The following OR2B2 variants were observed in gnomAD, a reference collection of about 807,000 sequenced individuals.
The protein encoded by OR2B2 is olfactory receptor family 2 subfamily B member 2.
For synonymous variants in OR2B2, 137 were observed against 150.9 expected, an observed-to-expected ratio of 0.91 and a Z score of 0.67; for missense variants, 362 against 422.4, an observed-to-expected ratio of 0.86 and a Z score of 1.25.
Position 27,912,230 on chromosome 6 carries a change from C to G in OR2B2, c.90G>C (p.Met30Ile), listed in dbSNP as rs763258479. ...QPWLEIPPFV[M>I]FLFSYILTIF... ...TTGTCAAGATATAGGAAAACAGAAA[C>G]ATCACAAAGGGTGGAATCTCTAGCC... Residue 30 changes from methionine to isoleucine, a missense_variant, in exon 1 of 1, where the codon ATG (methionine) becomes ATC (isoleucine). Transcript: ENST00000303324. 16 of 1,614,008 alleles carry G rather than the reference C, an allele frequency of 9.9e-6. 1 individual carries two copies. Among genetic ancestry groups the G allele is most frequent in the Non-Finnish European group, 1.3e-5 (15 of 1,180,010 alleles).
In OR2B2 at chr6:27,911,330, G is replaced by C; in HGVS notation, c.990C>G (p.Tyr330Ter). The C allele has an allele frequency of 6.2e-7, 1 of 1,613,386 alleles. No individual in the cohort carries two copies. The highest frequency in any genetic ancestry group is 1.1e-5 in the South Asian group (1 of 90,916). ...GACAACTTGCGGAGAAGTTAGTAAG[G>C]TAAGTAAGCACTGTGTCTTTAGCAA... ...ISFAKDTVLT[Y>*]LTNFSASCPI... Residue 330 changes from tyrosine to a stop codon, truncating the protein, a stop_gained, in exon 1 of 1, where the codon TAC (tyrosine) becomes TAG (stop). Coordinates refer to ENST00000303324, the MANE Select transcript of OR2B2 (RefSeq NM_033057.2). LOFTEE classifies it low-confidence loss of function (END_TRUNC).
At position 27,912,369 on chromosome 6, in the gene OR2B2, TAAC is replaced by T. The variant is rs764051812; in HGVS notation, c.-53_-51del. The T allele has an allele frequency of 8.8e-7, 1 of 1,140,436 alleles. No homozygotes were observed. The highest frequency in any genetic ancestry group is 1.5e-5 in the South Asian group (1 of 65,746). The allele number at this position is 1,140,436 out of a possible 1,614,324, so 70.6% of individuals were successfully genotyped here. On this transcript the variant is annotated 5_prime_UTR_variant, in exon 1 of 1. Transcript: ENST00000303324. ...TCTGAAATATAAGAAGTCAGGAAGTTAACAACACACTTCCTGATTTTGTCAGCT... is the reference window on the plus strand; with the variant it reads ...TCTGAAATATAAGAAGTCAGGAAGTTAACACACTTCCTGATTTTGTCAGCT...
rs1208391014 is a variant in OR2B2, at chr6:27,911,285, T to G, written c.1035A>C (p.Ile345=). The G allele has an allele frequency of 6.3e-7, 1 of 1,596,462 alleles. No individual in the cohort carries two copies. The highest frequency in any genetic ancestry group is 1.8e-5 in the Admixed American group (1 of 55,518). ...SASCPIFVIT[I]ENYCNLPQRK... is the part of the protein sequence containing the mutation. Reference sequence around the variant, plus strand: ...TTTGAGGGAGATTACAATAGTTTTCTATAGTAATGACAAAAATAGGACAAC... The same window carrying G: ...TTTGAGGGAGATTACAATAGTTTTCGATAGTAATGACAAAAATAGGACAAC... The change falls in exon 1 of 1, where the codon ATA becomes ATC. Residue 345 remains isoleucine, a synonymous_variant. Transcript: ENST00000303324.
Position 27,912,176 on chromosome 6 carries a change from C to T in OR2B2, c.144G>A (p.Val48=), listed in dbSNP as rs770967801. ...TGTGGAGTTTGAAATCCACATGTGA[C>T]ACAAGAATTATTGTCAGATTGCCAA... ...TIFGNLTIIL[V]SHVDFKLHTP... The change falls in exon 1 of 1, where the codon GTG becomes GTA. Residue 48 remains valine (V), a synonymous_variant. Coordinates refer to ENST00000303324, the MANE Select transcript of OR2B2 (RefSeq NM_033057.2). 4 of 1,614,140 alleles carry T rather than the reference C, an allele frequency of 2.5e-6. No individual in the cohort carries two copies. The Admixed American group carries it at 6.7e-5, about 27-fold the overall frequency.
rs762536583 is a variant in OR2B2 at position 27,911,775 on chromosome 6, G to A, written c.545C>T (p.Pro182Leu). 1.2e-6 allele frequency: 2 copies of A among 1,613,964 alleles called. No homozygotes were observed. The highest frequency in any genetic ancestry group is 1.6e-4 in the Middle Eastern group (1 of 6,062). The change falls in exon 1 of 1, where the codon CCT (proline) becomes CTT (leucine). Residue 182 changes from proline to leucine, a missense_variant. Physicochemically the swap from Pro to Leu is moderately conservative, Grantham distance 98. Transcript: ENST00000303324. ...KEVDHFFCEV[P>L]ALLKLSCVDT... ...AACACAGGACAACTTGAGCAGAGCAGGGACTTCACAGAAGAAGTGATCCAC... is the reference window on the plus strand; with the variant it reads ...AACACAGGACAACTTGAGCAGAGCAAGGACTTCACAGAAGAAGTGATCCAC...
Position 27,912,149 on chromosome 6 carries a change from G to C in OR2B2, c.171C>G (p.Thr57=), listed in dbSNP as rs746305654. ...GATTGCTAAGAAAAAAGTACATAGG[G>C]GTGTGGAGTTTGAAATCCACATGTG... is the stretch of plus-strand genomic sequence containing the variant. ...LVSHVDFKLH[T]PMYFFLSNLS... Residue 57 remains threonine (T), a synonymous_variant, in exon 1 of 1, where the codon ACC becomes ACG. Coordinates refer to ENST00000303324, the MANE Select transcript of OR2B2 (RefSeq NM_033057.2). 15 of 1,614,126 alleles carry C rather than the reference G, an allele frequency of 9.3e-6. No homozygotes were observed. Among genetic ancestry groups the C allele is most frequent in the African/African-American group, 1.3e-5 (1 of 75,022 alleles).
chr6:27,911,416 T>C lies in OR2B2; in HGVS notation c.904A>G (p.Lys302Glu), dbSNP rs967027358. 1 of 1,614,010 alleles carries C rather than the reference T, an allele frequency of 6.2e-7. No individual in the cohort carries two copies. The highest frequency in any genetic ancestry group is 1.3e-5 in the African/African-American group (1 of 74,942). Residue 302 changes from lysine to glutamate, a missense_variant, in exon 1 of 1, where the codon AAA (lysine) becomes GAA (glutamate). Coordinates refer to ENST00000303324, the MANE Select transcript of OR2B2 (RefSeq NM_033057.2). ...AGAAGACTCTTTGCAACCAACCTTT[T>C]AAAGGCTTCCTTTACCTCTTTGTTC... ...LRNKEVKEAF[K>E]RLVAKSLLNQ...
Position 27,911,254 on chromosome 6 carries a change from ATTTTCT to A in OR2B2, c.1060_1065del (p.Arg354_Lys355del). The A allele has an allele frequency of 6.5e-7, 1 of 1,544,614 alleles. No individual in the cohort carries two copies. Among genetic ancestry groups the A allele is most frequent in the Non-Finnish European group, 8.7e-7 (1 of 1,145,196 alleles). The stretch of plus-strand genomic sequence containing the variant: ...ACAAATATAGCTTTTTGTCAAGGAA[ATTTTCT>A]TTGAGGGAGATTACAATAGTTTTCT... On this transcript the variant is annotated inframe_deletion, in exon 1 of 1. Coordinates refer to ENST00000303324, the MANE Select transcript of OR2B2 (RefSeq NM_033057.2).
chr6:27,912,160 T>A lies in OR2B2; in HGVS notation c.160A>T (p.Lys54Ter), dbSNP rs1762207988. ...TIILVSHVDF[K>*]LHTPMYFFLS... ...AAAAAGTACATAGGGGTGTGGAGTT[T>A]GAAATCCACATGTGACACAAGAATT... The change falls in exon 1 of 1, where the codon AAA becomes TAA. Residue 54 changes from lysine to a stop codon, truncating the protein, a stop_gained. Transcript: ENST00000303324. LOFTEE classifies it low-confidence loss of function (END_TRUNC). The A allele has an allele frequency of 6.2e-7, 1 of 1,614,206 alleles. No homozygotes were observed. Among genetic ancestry groups the A allele is most frequent in the Non-Finnish European group, 8.5e-7 (1 of 1,180,032 alleles).
At position 27,911,594 on chromosome 6, in the gene OR2B2, G is replaced by A; in HGVS notation, c.726C>T (p.Gly242=). The change falls in exon 1 of 1, where the codon GGC becomes GGT. Residue 242 remains glycine (G), a synonymous_variant. Transcript: ENST00000303324. The part of the protein sequence containing the change: ...EGQRKAFGTC[G]SHLIVVSLFY... ...AAAGTGACACCACAATTAGATGGGA[G>A]CCACATGTCCCAAATGCCTTTCGTT... The A allele has an allele frequency of 6.2e-7, 1 of 1,614,148 alleles. No homozygotes were observed.
In OR2B2 at chr6:27,912,091, T is replaced by G. The variant is rs35712782; in HGVS notation, c.229A>C (p.Thr77Pro). The change falls in exon 1 of 1, where the codon ACA (threonine) becomes CCA (proline). Residue 77 changes from threonine to proline, a missense_variant. Transcript: ENST00000303324. ...ATGTTTACCAGCATTTGTGGAACTG[T>G]ACTTGTGGTATAGCAAAGGTCCAGG... The part of the protein sequence containing the change: ...SLLDLCYTTS[T>P]VPQMLVNICN... 9.4e-4 allele frequency: 1,525 copies of G among 1,614,212 alleles called. 11 individuals carry two copies. In the African/African-American group the frequency reaches 0.017, roughly 18 times the overall value.
rs760680555 is a variant in OR2B2, at chr6:27,912,063, C to T, written c.257G>A (p.Cys86Tyr). 2 of 1,614,178 alleles carry T rather than the reference C, an allele frequency of 1.2e-6. No homozygotes were observed. Among genetic ancestry groups the T allele is most frequent in the Admixed American group, 3.3e-5 (2 of 60,020 alleles). ...ATAACTGATTACTTTCCTGGTGTTGCATATGTTTACCAGCATTTGTGGAAC... is the reference window on the plus strand; with the variant it reads ...ATAACTGATTACTTTCCTGGTGTTGTATATGTTTACCAGCATTTGTGGAAC... ...STVPQMLVNI[C>Y]NTRKVISYGG... The change falls in exon 1 of 1, where the codon TGC becomes TAC. Residue 86 changes from cysteine (C) to tyrosine (Y), a missense_variant. Physicochemically the swap from Cys to Tyr is radical, Grantham distance 194. Transcript: ENST00000303324.
rs2113602308 is a variant in OR2B2 at position 27,911,658 on chromosome 6, A to G, written c.662T>C (p.Ile221Thr). ...CTGGATTCTCAACACTGCTTGGACA[A>G]TAAAAGCATACGATATAAGGATGAG... ...VTLILISYAF[I>T]VQAVLRIQSA... is the part of the protein sequence containing the mutation. Residue 221 changes from isoleucine (I) to threonine (T), a missense_variant, in exon 1 of 1, where the codon ATT (isoleucine) becomes ACT (threonine). Ile to Thr is a moderately conservative substitution (Grantham distance 89). Transcript: ENST00000303324. 6.2e-7 allele frequency: 1 copy of G among 1,614,158 alleles called. No individual in the cohort carries two copies. Among genetic ancestry groups the G allele is most frequent in the African/African-American group, 1.3e-5 (1 of 75,042 alleles).
Position 27,911,487 on chromosome 6 carries a change from C to T in OR2B2, c.833G>A (p.Cys278Tyr). ...ATTCAGCATGGGTGCAATGATTCCA[C>T]AGAAGAGAGAAACCATCTTTCCCCG... is the stretch of plus-strand genomic sequence containing the variant. Reference protein sequence around the residue: ...KDRGKMVSLFCGIIAPMLNPL... With the variant: ...KDRGKMVSLFYGIIAPMLNPL... Residue 278 changes from cysteine to tyrosine, a missense_variant, in exon 1 of 1, where the codon TGT becomes TAT. Cys to Tyr is a radical substitution (Grantham distance 194). Transcript: ENST00000303324. The T allele has an allele frequency of 1.2e-6, 2 of 1,614,126 alleles. No individual in the cohort carries two copies. The highest frequency in any genetic ancestry group is 1.1e-5 in the South Asian group (1 of 91,086).
In OR2B2 at chr6:27,911,529, G is replaced by A; in HGVS notation, c.791C>T (p.Ser264Leu). 1 of 1,614,150 alleles carries A rather than the reference G, an allele frequency of 6.2e-7. No individual in the cohort carries two copies. The highest frequency in any genetic ancestry group is 8.5e-7 in the Non-Finnish European group (1 of 1,180,032). Residue 264 changes from serine to leucine, a missense_variant, in exon 1 of 1, where the codon TCA (serine) becomes TTA (leucine). Physicochemically the swap from Ser to Leu is moderately radical, Grantham distance 145 (BLOSUM62 -2). Transcript: ENST00000303324. ...TAISMYLQPP[S>L]PSSKDRGKMV... ...CTTTCCCCGGTCTTTGGAGCTGGGT[G>A]AAGGTGGTTGCAGGTACATGGAGAT...
In OR2B2 at chr6:27,911,654, G is replaced by A. The variant is rs1762199562; in HGVS notation, c.666C>T (p.Val222=). Residue 222 remains valine (V), a synonymous_variant, in exon 1 of 1, where the codon GTC becomes GTT. Coordinates refer to ENST00000303324, the MANE Select transcript of OR2B2 (RefSeq NM_033057.2). ...TLILISYAFI[V]QAVLRIQSAE... is the part of the protein sequence containing the mutation. ...CAGACTGGATTCTCAACACTGCTTG[G>A]ACAATAAAAGCATACGATATAAGGA... 3.1e-6 allele frequency: 5 copies of A among 1,613,862 alleles called. No homozygotes were observed. Among genetic ancestry groups the A allele is most frequent in the Admixed American group, 1.7e-5 (1 of 59,990 alleles).
chr6:27,911,631 G>A lies in OR2B2; in HGVS notation c.689C>T (p.Ser230Phe). 1.2e-6 allele frequency: 2 copies of A among 1,614,174 alleles called. No individual in the cohort carries two copies. The highest frequency in any genetic ancestry group is 8.5e-7 in the Non-Finnish European group (1 of 1,180,026). The stretch of plus-strand genomic sequence containing the variant: ...AAATGCCTTTCGTTGACCTTCAGCA[G>A]ACTGGATTCTCAACACTGCTTGGAC... ...FIVQAVLRIQ[S>F]AEGQRKAFGT... The change falls in exon 1 of 1, where the codon TCT (serine) becomes TTT (phenylalanine). Residue 230 changes from serine to phenylalanine, a missense_variant. Physicochemically the swap from Ser to Phe is radical, Grantham distance 155 (BLOSUM62 -2). Transcript: ENST00000303324.
rs1362535039 is a variant in OR2B2 at position 27,911,229 on chromosome 6, A to G, written c.*17T>C. On this transcript the variant is annotated 3_prime_UTR_variant, in exon 1 of 1. Coordinates refer to ENST00000303324, the MANE Select transcript of OR2B2 (RefSeq NM_033057.2). ...CAATGAAAATGTTTAGGCAACAGAA[A>G]CAAATATAGCTTTTTGTCAAGGAAA... 6.8e-7 allele frequency: 1 copy of G among 1,471,002 alleles called. No homozygotes were observed. The highest frequency in any genetic ancestry group is 2.3e-5 in the East Asian group (1 of 43,916). The allele number at this position is 1,471,002 out of a possible 1,614,324, so 91.1% of individuals were successfully genotyped here. A position where few individuals can be genotyped will look rare whatever the true frequency, so the allele number is the denominator to read the frequency against.
Position 27,911,671 on chromosome 6 carries a change from A to G in OR2B2, c.649T>C (p.Ser217Pro), listed in dbSNP as rs756343335. Residue 217 changes from serine (S) to proline (P), a missense_variant, in exon 1 of 1, where the codon TCG becomes CCG. By Grantham distance (74) the Ser-to-Pro change is moderately conservative. Coordinates refer to ENST00000303324, the MANE Select transcript of OR2B2 (RefSeq NM_033057.2). ...LLIPVTLILI[S>P]YAFIVQAVLR... ...ACTGCTTGGACAATAAAAGCATACG[A>G]TATAAGGATGAGTGTCACGGGTATT... 1 of 1,614,100 alleles carries G rather than the reference A, an allele frequency of 6.2e-7. No homozygotes were observed. The highest frequency in any genetic ancestry group is 8.5e-7 in the Non-Finnish European group (1 of 1,180,004).
Sources: gnomAD v4.1 joint callset for allele counts on GRCh38, gnomAD v4.1.1 for gene constraint, MANE v1.5 for transcripts, NCBI Gene and HGNC (gene_info 2026-07-23, HGNC 2026-07-21) for gene names.